LARP1B: variants seen among roughly 807,000 people sequenced by gnomAD.
LARP1B encodes the protein La ribonucleoprotein 1B.
A neutral mutation model predicts 114.2 loss-of-function variants in LARP1B; 76 were observed. That is an observed-to-expected ratio of 0.67 (90% confidence interval 0.55 to 0.81). LARP1B has a LOEUF of 0.81. Ranked by LOEUF, LARP1B falls within the 30% of genes least tolerant of loss-of-function variation. The pLI, the probability that LARP1B is intolerant of heterozygous loss-of-function variation, is 0.00. For synonymous variants in LARP1B, 345 were observed against 348.0 expected, an observed-to-expected ratio of 0.99 and a Z score of 0.10; for missense variants, 1,014 against 1,075.8, an observed-to-expected ratio of 0.94 and a Z score of 0.80.
chr4:128,082,969 C>CG (rs1561108470), intron 5 of LARP1B, among the ~76,000 whole-genome samples: 1 of 151,314 alleles, frequency 6.6e-6, no homozygotes, highest in Non-Finnish European at 1.5e-5. Context: ...TGCGGCCTTC[C>CG]GCAGTGTTTG....
At chr4:128,216,875 G>C (rs984829413), downstream of LARP1B, among the ~76,000 whole-genome samples, 32 of 152,004 alleles carry the variant, frequency 2.1e-4, no homozygotes, top group Non-Finnish European at 1.3e-4. Context: ...TTGAAAGGAT[G>C]AACAAAATTG....
intron 7 of LARP1B, among the ~76,000 whole-genome samples, chr4:128,093,362 C>T (rs990868666): frequency 8.5e-5 from 13 of 152,094 alleles, no homozygotes; most frequent in African/African-American, 3.1e-4. Flanking sequence ...TTTGGGAGGC[C>T]GAGGCGGGCG....
At chr4:128,124,173 G>A (rs1470489164) in intron 11 of LARP1B, among the ~76,000 whole-genome samples, 1 of 152,048 alleles carries the variant, frequency 6.6e-6, no homozygotes, top group African/African-American at 2.4e-5. Flanking sequence ...TAACAAATAG[G>A]GTTTCTACAT....
At chr4:128,155,775 G>C (rs1735298771) in intron 11 of LARP1B, 6 of 1,597,688 alleles carry the variant, frequency 3.8e-6, no homozygotes, top group Non-Finnish European at 5.1e-6. Context: ...GGAAGGAACT[G>C]ACTGACTTCC....
intron 17 of LARP1B, 45 bp from the exon 18 acceptor site, chr4:128,206,383 A>C: frequency 2.7e-5 from 30 of 1,110,600 alleles, no homozygotes; most frequent in Non-Finnish European, 3.8e-5. Flanking sequence ...TACTAACTAT[A>C]GAGATATTGT....
Position 128,210,139 on chromosome 4 carries a change from C to A in LARP1B, c.*86C>A. 3 of 1,588,042 alleles carry A rather than the reference C, an allele frequency of 1.9e-6. No homozygotes were observed. The highest frequency in any genetic ancestry group is 1.1e-5 in the South Asian group (1 of 86,986). The stretch of plus-strand genomic sequence containing the variant: ...TATGAAAGTTCTTTGTCCTTGAAGT[C>A]AACATTTACATCAGTATTTATTTGG... On this transcript the variant is annotated 3_prime_UTR_variant, in exon 20 of 20. Transcript: ENST00000326639.
At chr4:128,206,223 C>T (rs1220145904) in intron 17 of LARP1B, among the ~76,000 whole-genome samples, 5 of 152,152 alleles carry the variant, frequency 3.3e-5, no homozygotes, top group South Asian at 2.1e-4. Context: ...ACCAGGGAGG[C>T]GGAGGTTGCA....
chr4:128,109,257 A>G (rs1783155213), intron 9 of LARP1B, among the ~76,000 whole-genome samples: 2 of 152,300 alleles, frequency 1.3e-5, no homozygotes, highest in African/African-American at 4.8e-5. Flanking sequence ...GACTGTGCTT[A>G]TATGTATCTA....
chr4:128,208,437 GTTT>G (rs1020834309), intron 19 of LARP1B, among the ~76,000 whole-genome samples: 3 of 152,168 alleles, frequency 2.0e-5, no homozygotes, highest in Non-Finnish European at 2.9e-5. Context: ...TTGTCTTGCA[GTTT>G]TGTGTAAATG....
chr4:128,090,233 C>T (rs946934194), intron 5 of LARP1B, among the ~76,000 whole-genome samples: 6 of 151,904 alleles, frequency 3.9e-5, no homozygotes, highest in African/African-American at 1.2e-4. Context: ...CTATGGCACC[C>T]GGATAATTTT....
chr4:128,155,992 A>G, intron 11 of LARP1B: 1 of 1,541,736 alleles, frequency 6.5e-7, no homozygotes. Flanking sequence ...TGTACCTTGT[A>G]TCTCCCTTTC....
At chr4:128,065,257 CTTT>C (rs1762022784) in intron 1 of LARP1B, among the ~76,000 whole-genome samples, 1 of 89,022 alleles carries the variant, frequency 1.1e-5, no homozygotes, top group Admixed American at 1.1e-4. Context: ...CAATTAATTT[CTTT>C]CTTTCTTTCT....
At chr4:128,204,814 A>T (rs1757103777) in intron 17 of LARP1B, among the ~76,000 whole-genome samples, 1 of 151,978 alleles carries the variant, frequency 6.6e-6, no homozygotes, top group South Asian at 2.1e-4. Flanking sequence ...AAAACATGTC[A>T]TGTGCCCCAT....
At chr4:128,062,997 G>A (rs879350439) in intron 1 of LARP1B, among the ~76,000 whole-genome samples, 1 of 152,168 alleles carries the variant, frequency 6.6e-6, no homozygotes, top group African/African-American at 2.4e-5. Context: ...TGGATTGCAC[G>A]TTAGGTAAAT....
At chr4:128,100,671 C>A (rs957181794) in intron 8 of LARP1B, among the ~76,000 whole-genome samples, 2 of 152,000 alleles carry the variant, frequency 1.3e-5, no homozygotes, top group Admixed American at 1.3e-4. Flanking sequence ...AATGTCTGTT[C>A]AGATTTTTTA....
Position 128,065,307 on chromosome 4 carries a change from TTCTTTCTTTC to T in LARP1B, c.-78+3910_-78+3919del, listed in dbSNP as rs758626833. On this transcript the variant is annotated intron_variant, in intron 1 of 19. Transcript: ENST00000326639. ...TTTCTTTCTTTCTTTCTTTCTTTCT[TTCTTTCTTTC>T]TCTCTCTCTCTCTCTTTCCTTTCTT... Among the ~76,000 whole-genome samples, 352 of 101,488 alleles carry T rather than the reference TTCTTTCTTTC, an allele frequency of 3.5e-3. 5 individuals are homozygous for T. The highest frequency in any genetic ancestry group is 0.011 in the African/African-American group (333 of 29,180). 66.6% of individuals were successfully genotyped at this position (101,488 alleles called of 152,430 possible). A position where few individuals can be genotyped will look rare whatever the true frequency, so the allele number is the denominator to read the frequency against.
downstream of LARP1B, among the ~76,000 whole-genome samples, chr4:128,214,095 C>G (rs1235237855): frequency 7.0e-6 from 1 of 143,376 alleles, no homozygotes; most frequent in Admixed American, 7.1e-5. Flanking sequence ...CTTTTCAGAC[C>G]GGCTTAAAAA....
chr4:128,074,598 G>A (rs1248385684), intron 2 of LARP1B, 80 bp downstream of exon 2: 1 of 268,724 alleles, frequency 3.7e-6, no homozygotes, highest in Non-Finnish European at 6.0e-6. Context: ...TATTATAAGT[G>A]TATTTTTCTT....
At chr4:128,114,018 T>C (rs954703096) in intron 9 of LARP1B, among the ~76,000 whole-genome samples, 7 of 152,158 alleles carry the variant, frequency 4.6e-5, no homozygotes, top group Admixed American at 6.6e-5. Flanking sequence ...CTTCACTCTT[T>C]AAAGTATTTC....
Sources: gnomAD v4.1 joint callset for allele counts (sites outside exome capture counted in the v4.1 genomes callset) on GRCh38, gnomAD v4.1.1 for gene constraint, MANE v1.5 for transcripts, NCBI Gene and HGNC (gene_info 2026-07-23, HGNC 2026-07-21) for gene names.